BRD1: variants seen among roughly 807,000 people sequenced by gnomAD.
BRD1 encodes bromodomain-containing protein 1.
BRD1 carries 24 observed loss-of-function variants against 107.7 expected under a neutral mutation model. The observed-to-expected ratio is 0.22, with a 90% confidence interval of 0.16 to 0.31. The LOEUF is 0.31. Among genes scored for constraint, BRD1 ranks in the 10% least tolerant of loss-of-function variants. BRD1 has a pLI of 1.00. For missense variants in BRD1, 1,279 were observed against 1,638.6 expected (o/e 0.78, Z 3.79); for synonymous variants, 744 against 686.1 (o/e 1.08, Z -1.32).
intron 2 of BRD1, among the ~76,000 whole-genome samples, chr22:49,814,934 C>T (rs2059921612): frequency 6.6e-6 from 1 of 152,216 alleles, no homozygotes; most frequent in Non-Finnish European, 1.5e-5. Context: ...TTCTACATGC[C>T]TGGGGTGCTT....
intron 2 of BRD1, among the ~76,000 whole-genome samples, chr22:49,815,445 A>C (rs1251035074): frequency 6.6e-6 from 1 of 152,046 alleles, no homozygotes. Context: ...CGGGAGGCTG[A>C]GGCAGGAGAA....
chr22:49,824,268 G>T lies in BRD1; in HGVS notation c.50C>A (p.Ser17Tyr). Residue 17 changes from serine (S) to tyrosine (Y), a missense_variant, in exon 2 of 13, where the codon TCT becomes TAT. Transcript: ENST00000404760. This position sits in a 1 kb window ranked among gnomAD's most constrained non-coding sequence, Gnocchi z 5.9. ...GGAGTGTTTAACACTGCATGGGGAA[G>T]AAGGATGCCTCGCTGCAGAGCCTCG... ...CHRGSAARHP[S>Y]SPCSVKHSPT... is the part of the protein sequence containing the mutation. 6.2e-7 allele frequency: 1 copy of T among 1,614,006 alleles called. No individual in the cohort carries two copies. The highest frequency in any genetic ancestry group is 8.5e-7 in the Non-Finnish European group (1 of 1,180,018).
At chr22:49,796,380 A>G (rs1388482163) in intron 6 of BRD1, among the ~76,000 whole-genome samples, 1 of 144,680 alleles carries the variant, frequency 6.9e-6, no homozygotes, top group Non-Finnish European at 1.5e-5. Flanking sequence ...TTTTGGAGAT[A>G]GGGTCTCACT....
At chr22:49,791,071 C>A (rs1175535907) in intron 7 of BRD1, among the ~76,000 whole-genome samples, 2 of 152,266 alleles carry the variant, frequency 1.3e-5, no homozygotes, top group Non-Finnish European at 2.9e-5. Flanking sequence ...AACCTCAGCA[C>A]AGGGTGGAGA....
At chr22:49,777,994 T>C (rs2146936523) in intron 8 of BRD1, among the ~76,000 whole-genome samples, 181 bp from the exon 9 acceptor site, 1 of 152,322 alleles carries the variant, frequency 6.6e-6, no homozygotes, top group African/African-American at 2.4e-5. Flanking sequence ...ACACCAAAGT[T>C]ACTCGTTAAA....
At position 49,787,494 on chromosome 22, in the gene BRD1, A is replaced by G; in HGVS notation, c.2753T>C (p.Val918Ala). Residue 918 changes from valine (V) to alanine (A), a missense_variant, in exon 8 of 13, where the codon GTC becomes GCC. Transcript: ENST00000404760. ...QLGTKTFLSVVLPRLETLLQP... is the reference protein window; with the variant it reads ...QLGTKTFLSVALPRLETLLQP... ...CAGAAGAGTCTCCAACCTCGGAAGGACTACAGACAAAAAGGTTTTGGTCCC... is the reference window on the plus strand; with the variant it reads ...CAGAAGAGTCTCCAACCTCGGAAGGGCTACAGACAAAAAGGTTTTGGTCCC... The G allele has an allele frequency of 6.2e-7, 1 of 1,614,154 alleles. No individual in the cohort carries two copies.
chr22:49,789,049 T>A (rs1184943294), intron 7 of BRD1, among the ~76,000 whole-genome samples: 1 of 152,166 alleles, frequency 6.6e-6, no homozygotes, highest in Non-Finnish European at 1.5e-5. Context: ...CGGGCAGCAG[T>A]GCTTTCGGCT....
At chr22:49,811,004 T>C (rs1456496997) in intron 2 of BRD1, among the ~76,000 whole-genome samples, 1 of 151,800 alleles carries the variant, frequency 6.6e-6, no homozygotes, top group Non-Finnish European at 1.5e-5. Flanking sequence ...CAAACATCCA[T>C]CAAAAGATGA....
chr22:49,775,976 T>G (rs1372988265), intron 11 of BRD1, 74 bp downstream of exon 11: 2 of 1,267,526 alleles, frequency 1.6e-6, no homozygotes, highest in Non-Finnish European at 2.1e-6. Context: ...GCCGTGAGCC[T>G]CCTCGGACCA....
intron 2 of BRD1, among the ~76,000 whole-genome samples, chr22:49,817,887 T>G (rs1412406238): frequency 6.6e-6 from 1 of 152,156 alleles, no homozygotes; most frequent in Admixed American, 6.5e-5. Context: ...CACAACTCAC[T>G]GCAGCCTCGA....
chr22:49,774,194 T>C lies in BRD1; in HGVS notation c.*39A>G. On this transcript the variant is annotated 3_prime_UTR_variant, in exon 13 of 13. Transcript: ENST00000404760. Reference sequence around the variant, plus strand: ...ACAATATACAAACATGTACAGCTTATCAACACTATGGACAAGACCCGCGCT... The same window carrying C: ...ACAATATACAAACATGTACAGCTTACCAACACTATGGACAAGACCCGCGCT... The C allele has an allele frequency of 6.3e-7, 1 of 1,589,188 alleles. No individual in the cohort carries two copies. Among genetic ancestry groups the C allele is most frequent in the Non-Finnish European group, 8.6e-7 (1 of 1,166,562 alleles).
At chr22:49,818,976 G>T (rs1242720017) in intron 2 of BRD1, among the ~76,000 whole-genome samples, 3 of 152,074 alleles carry the variant, frequency 2.0e-5, no homozygotes, top group Non-Finnish European at 4.4e-5. Flanking sequence ...GAAAAAATAG[G>T]GCTGGGTGCG....
At chr22:49,786,005 C>A (rs1325315798) in intron 8 of BRD1, among the ~76,000 whole-genome samples, 1 of 152,194 alleles carries the variant, frequency 6.6e-6, no homozygotes, top group African/African-American at 2.4e-5. Context: ...CTGCACCCGG[C>A]CTGGTGAGGC....
intron 7 of BRD1, among the ~76,000 whole-genome samples, chr22:49,789,411 C>T (rs1166503858): frequency 3.3e-5 from 5 of 152,270 alleles, no homozygotes; most frequent in South Asian, 2.1e-4. Context: ...GAGCCTGCAG[C>T]GTCCTGACGC....
chr22:49,821,678 C>A (rs550775264), intron 2 of BRD1, among the ~76,000 whole-genome samples: 56 of 152,182 alleles, frequency 3.7e-4, no homozygotes, highest in African/African-American at 1.3e-3. Flanking sequence ...TCTTAGCTCA[C>A]TGCAACCTCC....
At chr22:49,797,504 G>A (rs950735168) in intron 6 of BRD1, among the ~76,000 whole-genome samples, 2 of 152,130 alleles carry the variant, frequency 1.3e-5, no homozygotes, top group Admixed American at 6.5e-5. Context: ...GGTGCTGAGC[G>A]TAAAATACAC....
chr22:49,815,779 C>T (rs1012182564), intron 2 of BRD1, among the ~76,000 whole-genome samples: 1 of 152,220 alleles, frequency 6.6e-6, no homozygotes, highest in African/African-American at 2.4e-5. Context: ...CTGCAGGCTG[C>T]GTCCACCCAG....
In BRD1 at chr22:49,774,509, G is replaced by A. The variant is rs1569077916; in HGVS notation, c.3387-93C>T. 10 of 1,356,684 alleles carry A rather than the reference G, an allele frequency of 7.4e-6. No individual in the cohort carries two copies. The East Asian group carries it at 9.3e-5, about 13-fold the overall frequency. 84.0% of individuals were successfully genotyped at this position (1,356,684 alleles called of 1,614,324 possible). A position where few individuals can be genotyped will look rare whatever the true frequency, so the allele number is the denominator to read the frequency against. On this transcript the variant is annotated intron_variant, in intron 12 of 12. Coordinates refer to ENST00000404760, the MANE Select transcript of BRD1 (RefSeq NM_001304808.3). ...TCATCTAACAAATTCACTGCCCTCC[G>A]ATAGAAAGGGGCCCTGCTCAGCACC... is the stretch of plus-strand genomic sequence containing the variant.
intron 2 of BRD1, among the ~76,000 whole-genome samples, chr22:49,809,504 G>A (rs137876801): frequency 0.042 from 6,360 of 151,840 alleles, 205 homozygotes; most frequent in South Asian, 0.087. Flanking sequence ...TCGCGCCACT[G>A]CACTCCAGCC....
Sources: allele counts gnomAD v4.1 joint callset (sites outside exome capture counted in the v4.1 genomes callset), GRCh38; gene constraint gnomAD v4.1.1; non-coding constraint Gnocchi (gnomAD v3.1); transcripts MANE v1.5; gene names NCBI Gene and HGNC (gene_info 2026-07-23, HGNC 2026-07-21).